Variants in KCNIP4 observed in about 807,000 individuals in gnomAD.
KCNIP4 encodes the protein Kv channel-interacting protein 4.
KCNIP4 carries 12 observed loss-of-function variants against 34.0 expected under a neutral mutation model. The observed-to-expected ratio is 0.35, with a 90% CI of 0.23 to 0.57. KCNIP4 has a LOEUF of 0.57. Ranked by LOEUF, KCNIP4 falls within the 20% of genes least tolerant of loss-of-function variation. The probability of loss-of-function intolerance (pLI) is 0.83; values close to 1 mark genes in which losing one functional copy is unlikely to be tolerated. For synonymous variants in KCNIP4, 124 were observed against 102.2 expected (o/e 1.21, Z -1.29); for missense variants, 238 against 311.7 (o/e 0.76, Z 1.78).
intron 1 of KCNIP4, among the ~76,000 whole-genome samples, chr4:21,442,471 A>G (rs1190559978): frequency 3.9e-5 from 6 of 152,184 alleles, no homozygotes; most frequent in Non-Finnish European, 8.8e-5. Flanking sequence ...CTAGTCAGAA[A>G]CCACTGTTAG....
At chr4:20,941,775 A>T (rs900935988) in intron 1 of KCNIP4, among the ~76,000 whole-genome samples, 41 of 152,356 alleles carry the variant, frequency 2.7e-4, no homozygotes, top group African/African-American at 9.4e-4. Flanking sequence ...GAGAGTGAGG[A>T]GGAAATATTT....
chr4:21,038,348 T>C (rs763824641), intron 1 of KCNIP4, among the ~76,000 whole-genome samples: 14 of 152,194 alleles, frequency 9.2e-5, no homozygotes, highest in Non-Finnish European at 2.1e-4. Context: ...AAAGATTCCA[T>C]TATCTCTTGC....
intron 1 of KCNIP4, among the ~76,000 whole-genome samples, chr4:20,928,255 T>TG (rs397992487): frequency 6.6e-6 from 1 of 151,488 alleles, no homozygotes; most frequent in African/African-American, 2.4e-5. Context: ...TTTTTTTTTT[T>TG]GTATTTTATT....
At chr4:21,802,629 ATTG>A (rs1211500434) in intron 1 of KCNIP4, among the ~76,000 whole-genome samples, 2 of 152,264 alleles carry the variant, frequency 1.3e-5, no homozygotes, top group Middle Eastern at 3.4e-3. Context: ...ACAATTACTC[ATTG>A]TTGTTTATCT....
chr4:21,181,442 A>G (rs775730277), intron 1 of KCNIP4, among the ~76,000 whole-genome samples: 68 of 152,102 alleles, frequency 4.5e-4, no homozygotes, highest in Non-Finnish European at 9.0e-4. Flanking sequence ...CTAAGATTCT[A>G]CTATAGGTGG....
At chr4:21,609,675 A>G (rs1448868346) in intron 1 of KCNIP4, among the ~76,000 whole-genome samples, 1 of 152,204 alleles carries the variant, frequency 6.6e-6, no homozygotes, top group African/African-American at 2.4e-5. Flanking sequence ...AAAGAGAAGA[A>G]GATTGCTTCC....
rs555305625 is a variant in KCNIP4, at chr4:21,393,055, A to G, written c.62-510346T>C. On this transcript the variant is annotated intron_variant, in intron 1 of 8. Transcript: ENST00000382152. Reference sequence around the variant, plus strand: ...TGAAATATAAACATAAAATGGAATCAAATTTGTTGTGATGATGTATCACTG... The same window carrying G: ...TGAAATATAAACATAAAATGGAATCGAATTTGTTGTGATGATGTATCACTG... Among the ~76,000 whole-genome samples the G allele has an allele frequency of 2.6e-4, 40 of 152,280 alleles. 1 individual carries two copies. The South Asian group carries it at 6.6e-3, about 25-fold the overall frequency.
At chr4:20,992,743 G>T (rs1172878367) in intron 1 of KCNIP4, among the ~76,000 whole-genome samples, 1 of 152,074 alleles carries the variant, frequency 6.6e-6, no homozygotes, top group Non-Finnish European at 1.5e-5. Flanking sequence ...AAAGCACAGA[G>T]TAGGCCGAAC....
At chr4:21,061,645 T>A (rs1036652159) in intron 1 of KCNIP4, among the ~76,000 whole-genome samples, 2 of 152,148 alleles carry the variant, frequency 1.3e-5, no homozygotes, top group Non-Finnish European at 2.9e-5. Flanking sequence ...AAAAGACTTT[T>A]ATTTTAAAAA....
intron 1 of KCNIP4, among the ~76,000 whole-genome samples, chr4:21,416,582 A>G (rs1028728955): frequency 6.6e-6 from 1 of 152,200 alleles, no homozygotes; most frequent in Non-Finnish European, 1.5e-5. Context: ...TCAAAGGAAA[A>G]TGGTTGGAAG....
intron 3 of KCNIP4, among the ~76,000 whole-genome samples, chr4:20,823,384 G>A (rs192316087): frequency 8.5e-5 from 13 of 152,222 alleles, no homozygotes; most frequent in East Asian, 5.8e-4. Context: ...TATCAATAGC[G>A]TTGCTATTTA....
At chr4:20,883,965 G>A (rs1321170233) in intron 1 of KCNIP4, among the ~76,000 whole-genome samples, 1 of 152,158 alleles carries the variant, frequency 6.6e-6, no homozygotes, top group African/African-American at 2.4e-5. Flanking sequence ...AGCATTTGCA[G>A]CCACTCTCTC....
At chr4:21,897,467 T>C (rs1478279866) in intron 1 of KCNIP4, among the ~76,000 whole-genome samples, 9 of 152,190 alleles carry the variant, frequency 5.9e-5, no homozygotes, top group Admixed American at 5.9e-4. Flanking sequence ...TGTAACACAA[T>C]GTTCTTAAAA....
chr4:21,651,136 AT>A (rs1156582689), intron 1 of KCNIP4, among the ~76,000 whole-genome samples: 1 of 152,156 alleles, frequency 6.6e-6, no homozygotes, highest in African/African-American at 2.4e-5. Flanking sequence ...CAATCTAATT[AT>A]GAGAGTGGTA....
At chr4:21,579,895 T>C (rs77228359) in intron 1 of KCNIP4, among the ~76,000 whole-genome samples, 1,687 of 152,266 alleles carry the variant, frequency 0.011, 14 homozygotes, top group Middle Eastern at 0.044. Flanking sequence ...TTAGCTGATT[T>C]GGATGCTTTC....
chr4:20,852,423 C>T (rs1214672909), intron 2 of KCNIP4, among the ~76,000 whole-genome samples: 1 of 152,138 alleles, frequency 6.6e-6, no homozygotes, highest in Non-Finnish European at 1.5e-5. Flanking sequence ...CAAAATCCAA[C>T]ATTCCTTTAT....
intron 1 of KCNIP4, among the ~76,000 whole-genome samples, chr4:21,101,009 C>A (rs998041987): frequency 6.6e-6 from 1 of 152,238 alleles, no homozygotes; most frequent in African/African-American, 2.4e-5. Context: ...AGATTTCTTA[C>A]ATGCACATAT....
At chr4:20,968,084 GA>G (rs991644190) in intron 1 of KCNIP4, among the ~76,000 whole-genome samples, 1 of 151,846 alleles carries the variant, frequency 6.6e-6, no homozygotes, top group African/African-American at 2.4e-5. Context: ...AAATTTACAA[GA>G]AAAAAACAAC....
chr4:21,698,654 T>C (rs1386753590), intron 1 of KCNIP4, among the ~76,000 whole-genome samples: 4 of 152,190 alleles, frequency 2.6e-5, no homozygotes, highest in African/African-American at 9.6e-5. Context: ...CTAGAGTTTG[T>C]TTATTTTTGT....
Sources: allele counts gnomAD v4.1 joint callset (sites outside exome capture counted in the v4.1 genomes callset), GRCh38; gene constraint gnomAD v4.1.1; transcripts MANE v1.5; gene names NCBI Gene and HGNC (gene_info 2026-07-23, HGNC 2026-07-21).